Variants in TRANK1 observed in about 807,000 individuals in gnomAD.
TRANK1 encodes the protein tetratricopeptide repeat and ankyrin repeat containing 1, also known as TPR and ankyrin repeat-containing protein 1.
TRANK1 carries 198 observed loss-of-function variants against 266.0 expected under a neutral mutation model. The observed-to-expected ratio is 0.74, with a 90% CI of 0.66 to 0.84. The LOEUF (loss-of-function observed/expected upper bound fraction) is 0.84. Among genes scored for constraint, TRANK1 ranks in the 40% least tolerant of loss-of-function variants. TRANK1 has a pLI of 0.00. For synonymous variants in TRANK1, 1,396 were observed against 1,384.1 expected, an observed-to-expected ratio of 1.01 and a Z score of -0.19; for missense variants, 3,326 against 3,634.6, an observed-to-expected ratio of 0.92 and a Z score of 2.18.
chr3:36,854,251 T>G (rs2079021010), intron 13 of TRANK1, among the ~76,000 whole-genome samples: 1 of 151,884 alleles, frequency 6.6e-6, no homozygotes, highest in Non-Finnish European at 1.5e-5. Context: ...TCCCAGCTAC[T>G]TGGGAGGCTG....
chr3:36,932,149 C>A (rs1462645348), intron 1 of TRANK1, among the ~76,000 whole-genome samples: 1 of 152,120 alleles, frequency 6.6e-6, no homozygotes, highest in African/African-American at 2.4e-5. Flanking sequence ...AGACATGAAT[C>A]CATGAAAATT....
chr3:36,836,632 C>A (rs934034102), intron 20 of TRANK1, among the ~76,000 whole-genome samples: 2 of 152,174 alleles, frequency 1.3e-5, no homozygotes. Flanking sequence ...AAATAACATG[C>A]AATGATTGGG....
chr3:36,867,283 A>C (rs1406454961), intron 9 of TRANK1, among the ~76,000 whole-genome samples: 1 of 152,212 alleles, frequency 6.6e-6, no homozygotes, highest in Admixed American at 6.5e-5. Context: ...GCCTGATAGA[A>C]TCTTTGCAAA....
rs375238795 is a variant in TRANK1, at chr3:36,851,832, C to T, written c.4774G>A (p.Ala1592Thr). 1.2e-5 allele frequency: 20 copies of T among 1,603,990 alleles called. No homozygotes were observed. The East Asian group carries it at 2.5e-4, about 20-fold the overall frequency. The change falls in exon 15 of 24, where the codon GCA (alanine) becomes ACA (threonine). Residue 1592 changes from alanine (A) to threonine (T), a missense_variant. Physicochemically the swap from Ala to Thr is moderately conservative, Grantham distance 58 (BLOSUM62 0). Coordinates refer to ENST00000645898, the MANE Select transcript of TRANK1 (RefSeq NM_001329998.2). ...AGCTCTTCTGGAATTTTCTCCTTTGCCGTTTCATTGGCCACAAGGATTACC... is the reference window on the plus strand; with the variant it reads ...AGCTCTTCTGGAATTTTCTCCTTTGTCGTTTCATTGGCCACAAGGATTACC... ...HQVILVANET[A>T]KEKIPEELGL...
Position 36,856,157 on chromosome 3 carries a change from G to T in TRANK1, c.3565C>A (p.His1189Asn). 6.2e-7 allele frequency: 1 copy of T among 1,613,912 alleles called. No homozygotes were observed. The highest frequency in any genetic ancestry group is 8.5e-7 in the Non-Finnish European group (1 of 1,179,888). The change falls in exon 13 of 24, where the codon CAT becomes AAT. Residue 1189 changes from histidine to asparagine, a missense_variant. Transcript: ENST00000645898. The part of the protein sequence containing the change: ...CAPEHPHQLE[H>N]LHQIFVTKNH... ...TTGGTCACAAAGATCTGATGTAAAT[G>T]CTCCAGCTGGTGGGGATGTTCTGGT...
In TRANK1 at chr3:36,841,662, T is replaced by TA. The variant is rs549721073; in HGVS notation, c.5280+959dup. Among the ~76,000 whole-genome samples the TA allele has an allele frequency of 6.1e-4, 93 of 151,764 alleles. 1 individual carries two copies. Among genetic ancestry groups the TA allele is most frequent in the African/African-American group, 1.8e-3 (76 of 41,374 alleles). ...AGGAAGACCACTGAGGACTTCATGATAAAAAAAATAGAGAGATCAATGAGA... is the reference window on the plus strand; with the variant it reads ...AGGAAGACCACTGAGGACTTCATGATAAAAAAAAATAGAGAGATCAATGAGA... On this transcript the variant is annotated intron_variant, in intron 18 of 23. Coordinates refer to ENST00000645898, the MANE Select transcript of TRANK1 (RefSeq NM_001329998.2).
intron 1 of TRANK1, among the ~76,000 whole-genome samples, chr3:36,937,243 T>C (rs2080438148): frequency 6.6e-6 from 1 of 152,206 alleles, no homozygotes; most frequent in Non-Finnish European, 1.5e-5. Context: ...TGATTTCTCC[T>C]CAGTGTGCCA....
chr3:36,833,398 A>C lies in TRANK1; in HGVS notation c.6185T>G (p.Val2062Gly), dbSNP rs1186901262. Residue 2062 changes from valine (V) to glycine (G), a missense_variant, in exon 22 of 24, where the codon GTG becomes GGG. Transcript: ENST00000645898. ...GGCTGCTTCGTAGAGTGCTTCCACCACTCCAGCTGAGTGGTTGAGCGTGTC... is the reference window on the plus strand; with the variant it reads ...GGCTGCTTCGTAGAGTGCTTCCACCCCTCCAGCTGAGTGGTTGAGCGTGTC... ...KFDTLNHSAG[V>G]VEALYEAASQ... The C allele has an allele frequency of 5.6e-5, 90 of 1,613,380 alleles. No individual in the cohort carries two copies. The highest frequency in any genetic ancestry group is 6.9e-5 in the Non-Finnish European group (81 of 1,179,738).
chr3:36,838,723 T>C lies in TRANK1; in HGVS notation c.5281-7A>G. ...GGTAACACTTGGCTGCAACCTGGAA[T>C]AGGCAAAAAGTTTTATTCCCAGCAA... On this transcript the variant is annotated splice_region_variant and splice_polypyrimidine_tract_variant and intron_variant, in intron 18 of 23. Coordinates refer to ENST00000645898, the MANE Select transcript of TRANK1 (RefSeq NM_001329998.2). 6.2e-7 allele frequency: 1 copy of C among 1,611,706 alleles called. No homozygotes were observed. Among genetic ancestry groups the C allele is most frequent in the Non-Finnish European group, 8.5e-7 (1 of 1,178,850 alleles).
intron 9 of TRANK1, among the ~76,000 whole-genome samples, chr3:36,873,858 A>G (rs1336051952): frequency 6.4e-5 from 5 of 78,304 alleles, no homozygotes; most frequent in African/African-American, 1.5e-4. Context: ...CATGCATGGG[A>G]AAAAAAAAAA....
At position 36,855,492 on chromosome 3, in the gene TRANK1, T is replaced by C. The variant is rs1314996550; in HGVS notation, c.4230A>G (p.Glu1410=). Residue 1410 remains glutamate (E), a synonymous_variant, in exon 13 of 24, where the codon GAA becomes GAG. Coordinates refer to ENST00000645898, the MANE Select transcript of TRANK1 (RefSeq NM_001329998.2). ...GGGATATGTTGTACAGAACATCCTC[T>C]TCATCAAAATAACCTTTCTGGGACC... The part of the protein sequence containing the change: ...QIRSQKGYFD[E]EDVLYNISRR... 6.2e-7 allele frequency: 1 copy of C among 1,613,856 alleles called. No individual in the cohort carries two copies. Among genetic ancestry groups the C allele is most frequent in the African/African-American group, 1.3e-5 (1 of 74,914 alleles).
intron 1 of TRANK1, among the ~76,000 whole-genome samples, chr3:36,920,979 C>T (rs13321455): frequency 0.033 from 4,999 of 152,240 alleles, 263 homozygotes; most frequent in African/African-American, 0.11. Flanking sequence ...TTAACTTCCT[C>T]GTAGTTTCAG....
At position 36,892,344 on chromosome 3, in the gene TRANK1, G is replaced by A. The variant is rs1259628432; in HGVS notation, c.637-4C>T. ...AAAGTCCAATGAAAACGTATTTCTGGGGAAAAAAAACACACAGGACAAATT... is the reference window on the plus strand; with the variant it reads ...AAAGTCCAATGAAAACGTATTTCTGAGGAAAAAAAACACACAGGACAAATT... On this transcript the variant is annotated splice_polypyrimidine_tract_variant and splice_region_variant and intron_variant, in intron 6 of 23. Coordinates refer to ENST00000645898, the MANE Select transcript of TRANK1 (RefSeq NM_001329998.2). 3.1e-5 allele frequency: 48 copies of A among 1,533,910 alleles called. No individual in the cohort carries two copies. The highest frequency in any genetic ancestry group is 4.1e-5 in the Non-Finnish European group (47 of 1,145,988).
At chr3:36,913,573 AC>A (rs2080084241) in intron 1 of TRANK1, among the ~76,000 whole-genome samples, 1 of 152,060 alleles carries the variant, frequency 6.6e-6, no homozygotes, top group South Asian at 2.1e-4. Flanking sequence ...GGTGCCACAG[AC>A]AGTCAAGGAT....
chr3:36,887,239 G>A (rs1269209953), intron 8 of TRANK1, among the ~76,000 whole-genome samples: 2 of 152,096 alleles, frequency 1.3e-5, no homozygotes, highest in Non-Finnish European at 2.9e-5. Flanking sequence ...TAGCACAGTG[G>A]TATGCTAAGA....
At chr3:36,937,553 T>C (rs1055674128) in intron 1 of TRANK1, among the ~76,000 whole-genome samples, 4 of 152,184 alleles carry the variant, frequency 2.6e-5, no homozygotes, top group African/African-American at 9.7e-5. Context: ...GAGTAAAGAT[T>C]ATTGGGAAAA....
At chr3:36,903,017 A>C in intron 3 of TRANK1, 132 bp downstream of exon 3, 1 of 1,203,082 alleles carries the variant, frequency 8.3e-7, no homozygotes, top group Non-Finnish European at 1.1e-6. Context: ...GAGGCAGGCT[A>C]AAAGGAAGGA....
In TRANK1 at chr3:36,874,039, T is replaced by A; in HGVS notation, c.1078+87A>T. The stretch of plus-strand genomic sequence containing the variant: ...ATATATATGTGTGTGTATATATATA[T>A]ATACCAAAAAGAGATAAACTGATTT... On this transcript the variant is annotated intron_variant, in intron 9 of 23. Coordinates refer to ENST00000645898, the MANE Select transcript of TRANK1 (RefSeq NM_001329998.2). The A allele has an allele frequency of 2.4e-6, 3 of 1,240,966 alleles. No homozygotes were observed. The Admixed American group carries it at 7.9e-5, about 33-fold the overall frequency. The allele number at this position is 1,240,966 out of a possible 1,614,324, so 76.9% of individuals were successfully genotyped here. A position where few individuals can be genotyped will look rare whatever the true frequency, so the allele number is the denominator to read the frequency against.
upstream of TRANK1, chr3:36,945,194 C>T (rs918645839): frequency 9.5e-5 from 21 of 221,064 alleles, no homozygotes; most frequent in African/African-American, 4.1e-4. Context: ...CTCTCGGCCG[C>T]CTTTGAATAA....
Sources: allele counts gnomAD v4.1 joint callset (sites outside exome capture counted in the v4.1 genomes callset), GRCh38; gene constraint gnomAD v4.1.1; transcripts MANE v1.5; gene names NCBI Gene and HGNC (gene_info 2026-07-23, HGNC 2026-07-21).